GPAT3: variants seen among roughly 807,000 people sequenced by gnomAD.
The protein encoded by GPAT3 is glycerol-3-phosphate acyltransferase 3, also known as 1-AGP acyltransferase 9.
Under a neutral mutation model 58.8 loss-of-function variants are expected in GPAT3, and 53 were observed. That is an observed-to-expected ratio of 0.90 (90% CI 0.72 to 1.13). The LOEUF is 1.13. Ranked by LOEUF, GPAT3 falls within the 50% of genes most tolerant of loss-of-function variation. The probability of loss-of-function intolerance (pLI) is 0.00; values close to 1 mark genes in which losing one functional copy is unlikely to be tolerated. For synonymous variants in GPAT3, 197 were observed against 187.4 expected, an observed-to-expected ratio of 1.05 and a Z score of -0.42; for missense variants, 511 against 527.6, an observed-to-expected ratio of 0.97 and a Z score of 0.31.
At chr4:83,539,687 C>T (rs185087723) in intron 1 of GPAT3, among the ~76,000 whole-genome samples, 101 of 152,198 alleles carry the variant, frequency 6.6e-4, no homozygotes, top group Non-Finnish European at 1.0e-3. Context: ...TAGATGTATG[C>T]GTAAGTCACT....
At chr4:83,560,934 C>T (rs6839339) in intron 2 of GPAT3, among the ~76,000 whole-genome samples, 5,962 of 152,250 alleles carry the variant, frequency 0.039, 418 homozygotes, top group African/African-American at 0.14. Flanking sequence ...GAAGCAGATG[C>T]TGCCATGCTT....
rs1726128665 is a variant in GPAT3 at position 83,581,581 on chromosome 4, G to A, written c.228G>A (p.Glu76=). Residue 76 remains glutamate (E), a synonymous_variant, in exon 3 of 12, where the codon GAG becomes GAA. Transcript: ENST00000264409. ...SASVGIIQRD[E]SPMEKGLSGL... ...TTTAAGGTATTATCCAAAGAGATGA[G>A]TCACCCATGGAAAAAGGGCTCTCTG... is the stretch of plus-strand genomic sequence containing the variant. 6 of 1,613,988 alleles carry A rather than the reference G, an allele frequency of 3.7e-6. No homozygotes were observed. Among genetic ancestry groups the A allele is most frequent in the Non-Finnish European group, 5.1e-6 (6 of 1,179,958 alleles).
rs150221118 is a variant in GPAT3, at chr4:83,584,497, A to C, written c.479+2665A>C. On this transcript the variant is annotated intron_variant, in intron 3 of 11. Transcript: ENST00000264409. The stretch of plus-strand genomic sequence containing the variant: ...CAACTCTGTGAATATGACAGAAACT[A>C]CTGAATTGCATACTTTATTTTATTT... Among the ~76,000 whole-genome samples, 809 of 152,270 alleles carry C rather than the reference A, an allele frequency of 5.3e-3. 7 individuals are homozygous for C. The highest frequency in any genetic ancestry group is 0.018 in the African/African-American group (739 of 41,548).
chr4:83,596,997 G>A, intron 8 of GPAT3, 84 bp downstream of exon 8: 2 of 1,266,802 alleles, frequency 1.6e-6, no homozygotes, highest in Non-Finnish European at 2.3e-6. Context: ...CCATAGAATT[G>A]GCAACCTTAG....
intron 4 of GPAT3, among the ~76,000 whole-genome samples, chr4:83,587,955 G>T (rs565344981): frequency 6.6e-6 from 1 of 152,120 alleles, no homozygotes; most frequent in Non-Finnish European, 1.5e-5. Context: ...TCAGGAATTT[G>T]TCATAATAGC....
intron 1 of GPAT3, among the ~76,000 whole-genome samples, chr4:83,538,028 A>C (rs572254771): frequency 6.6e-6 from 1 of 152,174 alleles, no homozygotes; most frequent in Admixed American, 6.5e-5. Context: ...GCTTGTTGCT[A>C]TTAAAAGAAT....
chr4:83,590,550 G>A (rs1443673194), intron 6 of GPAT3, among the ~76,000 whole-genome samples: 1 of 152,196 alleles, frequency 6.6e-6, no homozygotes, highest in African/African-American at 2.4e-5. Flanking sequence ...ATAGGACCTT[G>A]TAAAGTTGAT....
intron 1 of GPAT3, among the ~76,000 whole-genome samples, chr4:83,538,174 A>G (rs1389274578): frequency 6.6e-6 from 1 of 152,168 alleles, no homozygotes; most frequent in East Asian, 1.9e-4. Flanking sequence ...GGTGGCTCCC[A>G]GGTATACATC....
intron 11 of GPAT3, among the ~76,000 whole-genome samples, chr4:83,602,185 T>C (rs1478576150): frequency 2.0e-5 from 3 of 152,190 alleles, no homozygotes; most frequent in Non-Finnish European, 1.5e-5. Flanking sequence ...TCAGCCCTCC[T>C]GCTTCTATCC....
chr4:83,584,558 C>T (rs1015180754), intron 3 of GPAT3, among the ~76,000 whole-genome samples: 6 of 152,168 alleles, frequency 3.9e-5, no homozygotes, highest in African/African-American at 7.2e-5. Flanking sequence ...CTCACTCCAT[C>T]ACTTAGACAC....
At chr4:83,575,605 G>A (rs1725783477) in intron 2 of GPAT3, among the ~76,000 whole-genome samples, 1 of 151,812 alleles carries the variant, frequency 6.6e-6, no homozygotes, top group African/African-American at 2.4e-5. Flanking sequence ...TAGTAGAGAC[G>A]GGGTTTCACT....
In GPAT3 at chr4:83,599,028, C is replaced by T. The variant is rs1251322921; in HGVS notation, c.1205+305C>T. On this transcript the variant is annotated intron_variant, in intron 11 of 11. Coordinates refer to ENST00000264409, the MANE Select transcript of GPAT3 (RefSeq NM_032717.5). The stretch of plus-strand genomic sequence containing the variant: ...GGTCTCAAACTCCTGGACTTGAACT[C>T]CTGCCTAAGCCTTTCAAAGTGCTGG... 3.3e-5 allele frequency among the ~76,000 whole-genome samples: 5 copies of T among 151,840 alleles called. No homozygotes were observed. In the East Asian group the frequency reaches 9.7e-4, roughly 29 times the overall value.
At chr4:83,594,524 G>T (rs1008553863) in intron 6 of GPAT3, among the ~76,000 whole-genome samples, 6 of 152,154 alleles carry the variant, frequency 3.9e-5, no homozygotes, top group Admixed American at 6.5e-5. Context: ...TTAAATCTTT[G>T]TCAGTGTGAT....
intron 2 of GPAT3, among the ~76,000 whole-genome samples, chr4:83,545,574 A>G (rs1409144708): frequency 6.6e-6 from 1 of 152,230 alleles, no homozygotes; most frequent in African/African-American, 2.4e-5. Flanking sequence ...ATTTGAAAAC[A>G]TTGGAGTATT....
chr4:83,583,668 A>AAG (rs141849726), intron 3 of GPAT3, among the ~76,000 whole-genome samples: 17,292 of 61,318 alleles, frequency 0.28, 2,185 homozygotes, highest in East Asian at 0.4. Context: ...CTCTTGTCTG[A>AAG]AAAAAAAAAA....
intron 2 of GPAT3, among the ~76,000 whole-genome samples, chr4:83,565,769 A>G (rs1404018458): frequency 1.3e-5 from 2 of 152,248 alleles, no homozygotes; most frequent in African/African-American, 4.8e-5. Context: ...AGGCGGGTCC[A>G]GGGGACCGGA....
At position 83,546,120 on chromosome 4, in the gene GPAT3, G is replaced by A. The variant is rs188137571; in HGVS notation, c.208+1518G>A. Among the ~76,000 whole-genome samples the A allele has an allele frequency of 9.3e-3, 1,421 of 152,256 alleles. 9 individuals are homozygous for A. Among genetic ancestry groups the A allele is most frequent in the Non-Finnish European group, 0.015 (1,050 of 68,018 alleles). ...CTGTCTCAGCCTCCTGAGTAGCTGG[G>A]ACTACAGGCGTGCGCCACCATGCCT... is the stretch of plus-strand genomic sequence containing the variant. On this transcript the variant is annotated intron_variant, in intron 2 of 11. Transcript: ENST00000264409.
intron 3 of GPAT3, 62 bp from the exon 4 acceptor site, chr4:83,587,193 C>A: frequency 7.4e-7 from 1 of 1,355,018 alleles, no homozygotes; most frequent in Non-Finnish European, 1.0e-6. Flanking sequence ...TATTTAGGAA[C>A]TTTTTGGTTA....
chr4:83,589,829 T>A (rs1027603114), intron 5 of GPAT3, among the ~76,000 whole-genome samples: 3 of 152,100 alleles, frequency 2.0e-5, no homozygotes. Context: ...CGGTGGCTTA[T>A]GCCTGTGATC....
Sources: gnomAD v4.1 joint callset for allele counts (sites outside exome capture counted in the v4.1 genomes callset) on GRCh38, gnomAD v4.1.1 for gene constraint, MANE v1.5 for transcripts, NCBI Gene and HGNC (gene_info 2026-07-23, HGNC 2026-07-21) for gene names.